WDR62: variants seen among roughly 807,000 people sequenced by gnomAD.
WDR62 encodes the protein WD repeat domain 62.
A neutral mutation model predicts 160.6 loss-of-function variants in WDR62; 112 were observed. That is an observed-to-expected ratio of 0.70 (90% CI 0.60 to 0.82). The LOEUF (loss-of-function observed/expected upper bound fraction) is 0.82, where lower values mean the gene tolerates loss of function less well. WDR62 is among the 40% of genes least tolerant of loss of function. WDR62 has a pLI of 0.00. For missense variants in WDR62, 1,819 were observed against 1,983.8 expected (o/e 0.92, Z 1.58); for synonymous variants, 792 against 815.1 (o/e 0.97, Z 0.48).
intron 7 of WDR62, among the ~76,000 whole-genome samples, chr19:36,070,019 G>C (rs62109754): frequency 1.6e-5 from 2 of 121,390 alleles, no homozygotes; most frequent in Admixed American, 7.8e-5. Context: ...CGTGGGGAGA[G>C]GGAGAGGGAG....
In WDR62 at chr19:36,103,973, C is replaced by G. The variant is rs377624207; in HGVS notation, c.4145C>G (p.Pro1382Arg). The change falls in exon 30 of 32, where the codon CCC becomes CGC. Residue 1382 changes from proline to arginine, a missense_variant. By Grantham distance (103) the Pro-to-Arg change is moderately radical (BLOSUM62 -2). This residue lies in a region of WDR62 where 770 missense variants were observed against 734.2 expected (regional missense o/e 1.05). Transcript: ENST00000401500. ...IPGGTASLLE[P>R]TSGALGLLQG... The stretch of plus-strand genomic sequence containing the variant: ...GGCGGCACTGCCTCCCTCCTGGAGC[C>G]CACCTCCGGTGAGTACAGCCCTGGA... The G allele has an allele frequency of 1.9e-6, 3 of 1,597,940 alleles. No individual in the cohort carries two copies. Among genetic ancestry groups the G allele is most frequent in the Non-Finnish European group, 2.5e-6 (3 of 1,179,840 alleles).
In WDR62 at chr19:36,092,822, C is replaced by T. The variant is rs1392916101; in HGVS notation, c.2333+11C>T. 3.1e-6 allele frequency: 5 copies of T among 1,613,666 alleles called. No individual in the cohort carries two copies. The African/African-American group carries it at 6.7e-5, about 22-fold the overall frequency. Reference sequence around the variant, plus strand: ...GAGTGGCCACCCCAGGTCCTGGCAGCCCCTGCCTGTCCACCAGAGGGATGA... The same window carrying T: ...GAGTGGCCACCCCAGGTCCTGGCAGTCCCTGCCTGTCCACCAGAGGGATGA... On this transcript the variant is annotated intron_variant, in intron 19 of 31. Coordinates refer to ENST00000401500, the MANE Select transcript of WDR62 (RefSeq NM_001083961.2).
intron 9 of WDR62, chr19:36,075,822 A>T (rs570951919): frequency 6.6e-6 from 1 of 152,182 alleles, no homozygotes; most frequent in Non-Finnish European, 1.5e-5. Context: ...TTCTAAATCT[A>T]TAATTTATTT....
intron 3 of WDR62, among the ~76,000 whole-genome samples, chr19:36,062,921 T>C (rs1970735272): frequency 1.3e-5 from 2 of 151,938 alleles, no homozygotes; most frequent in African/African-American, 4.8e-5. Context: ...ACGTGGCTCC[T>C]CTGTCTTTTC....
At chr19:36,103,283 G>A (rs375466987) in intron 29 of WDR62, 60 bp from the exon 30 acceptor site, 38 of 1,612,048 alleles carry the variant, frequency 2.4e-5, no homozygotes, top group African/African-American at 2.3e-4. Context: ...GCTGTGGGGC[G>A]TGGGGGCCCT....
chr19:36,079,277 CATT>C (rs1971758176), intron 9 of WDR62, among the ~76,000 whole-genome samples: 1 of 152,028 alleles, frequency 6.6e-6, no homozygotes, highest in East Asian at 1.9e-4. Context: ...GATGGGATCT[CATT>C]ATACTGCCCA....
At position 36,083,225 on chromosome 19, in the gene WDR62, C is replaced by T. The variant is rs201993064; in HGVS notation, c.1534C>T (p.Arg512Ter). 11 of 1,602,028 alleles carry T rather than the reference C, an allele frequency of 6.9e-6. No individual in the cohort carries two copies. Among genetic ancestry groups the T allele is most frequent in the East Asian group, 2.2e-5 (1 of 44,534 alleles). ...CGGCCAGCATTTGGCTTCAGGCGACCGAAGTGGAAATCTGAGGCAAGTGGG... is the reference window on the plus strand; with the variant it reads ...CGGCCAGCATTTGGCTTCAGGCGACTGAAGTGGAAATCTGAGGCAAGTGGG... ...PDGQHLASGD[R>*]SGNLRIHELH... Residue 512 changes from arginine to a stop codon, truncating the protein, a stop_gained, in exon 11 of 32, where the codon CGA becomes TGA. Transcript: ENST00000401500. LOFTEE classifies it high-confidence loss of function.
At chr19:36,099,146 TGA>T (rs1410651999) in intron 21 of WDR62, among the ~76,000 whole-genome samples, 2 of 142,474 alleles carry the variant, frequency 1.4e-5, no homozygotes, top group Non-Finnish European at 3.0e-5. Flanking sequence ...TGCTTGAAAC[TGA>T]GAGGTGGAGG....
At chr19:36,099,675 C>G (rs1386931833) in intron 22 of WDR62, 58 bp downstream of exon 22, 1 of 1,570,558 alleles carries the variant, frequency 6.4e-7, no homozygotes, top group East Asian at 2.2e-5. Flanking sequence ...GCCCCAGGGC[C>G]TGGCGCCTTA....
Position 36,103,139 on chromosome 19 carries a change from C to G in WDR62, c.3463-17C>G, listed in dbSNP as rs760431304. On this transcript the variant is annotated splice_polypyrimidine_tract_variant and intron_variant, in intron 28 of 31. Transcript: ENST00000401500. ...GAACCCTGAGGCCTTGTCCTCACCT[C>G]AGAGCTGTGCCTGCAGGTCCTCGCT... 1.2e-6 allele frequency: 2 copies of G among 1,614,086 alleles called. No homozygotes were observed. The highest frequency in any genetic ancestry group is 3.3e-5 in the Admixed American group (2 of 60,032).
chr19:36,103,094 C>T lies in WDR62; in HGVS notation c.3462+20C>T. ...ACCCACGTGAGTATTGGGCCCACCT[C>T]CGTCAGGGCACGGGGCTGGGAACCC... On this transcript the variant is annotated intron_variant, in intron 28 of 31. Coordinates refer to ENST00000401500, the MANE Select transcript of WDR62 (RefSeq NM_001083961.2). The T allele has an allele frequency of 6.2e-7, 1 of 1,614,036 alleles. No individual in the cohort carries two copies. The highest frequency in any genetic ancestry group is 8.5e-7 in the Non-Finnish European group (1 of 1,180,030).
intron 19 of WDR62, among the ~76,000 whole-genome samples, chr19:36,093,268 A>G (rs1415899986): frequency 3.5e-5 from 5 of 141,534 alleles, no homozygotes; most frequent in African/African-American, 5.0e-5. Flanking sequence ...GTGGGTAGAC[A>G]GGGGATCTGA....
At chr19:36,096,824 GTAT>G (rs1288516339) in intron 20 of WDR62, among the ~76,000 whole-genome samples, 200 bp from the exon 21 acceptor site, 5 of 152,186 alleles carry the variant, frequency 3.3e-5, no homozygotes, top group African/African-American at 4.8e-5. Context: ...TCCTTTGGTA[GTAT>G]TAAGCTTTTT....
At chr19:36,095,907 C>T (rs1548506) in intron 20 of WDR62, among the ~76,000 whole-genome samples, 1 of 152,032 alleles carries the variant, frequency 6.6e-6, no homozygotes. Flanking sequence ...ACAAAGCAGA[C>T]GCCTGCGAAA....
chr19:36,069,161 C>T (rs1296034282), intron 7 of WDR62, among the ~76,000 whole-genome samples: 4 of 140,962 alleles, frequency 2.8e-5, no homozygotes, highest in African/African-American at 8.8e-5. Context: ...GGCGGCTGGC[C>T]GGGCGGGGGC....
At chr19:36,089,430 C>A in intron 15 of WDR62, 124 bp downstream of exon 15, 1 of 1,524,330 alleles carries the variant, frequency 6.6e-7, no homozygotes, top group Non-Finnish European at 9.0e-7. Flanking sequence ...AGCAGGTGTT[C>A]CTTCTTGGTT....
intron 7 of WDR62, among the ~76,000 whole-genome samples, chr19:36,070,031 C>CCGTGGGGAGAGGGAGAGGGAGAG (rs1971209049): frequency 7.8e-6 from 1 of 128,724 alleles, no homozygotes; most frequent in Non-Finnish European, 1.7e-5. Flanking sequence ...GAGAGGGAGA[C>CCGTGGGGAGAGGGAGAGGGAGAG]CGTGGGGAGA....
In WDR62 at chr19:36,103,404, G is replaced by T; in HGVS notation, c.3576G>T (p.Arg1192Ser). ...VPASSVLPTD[R>S]NLPTPTSAPT... ...CTTCCTCCGTGCTGCCCACAGACAG[G>T]AATCTCCCAACGCCCACATCTGCAC... Residue 1192 changes from arginine (R) to serine (S), a missense_variant, in exon 30 of 32, where the codon AGG becomes AGT. Coordinates refer to ENST00000401500, the MANE Select transcript of WDR62 (RefSeq NM_001083961.2). 6.2e-7 allele frequency: 1 copy of T among 1,614,122 alleles called. No individual in the cohort carries two copies.
rs201805559 is a variant in WDR62, at chr19:36,101,235, G to A, written c.2889G>A (p.Val963=). 4 of 1,613,094 alleles carry A rather than the reference G, an allele frequency of 2.5e-6. No individual in the cohort carries two copies. The South Asian group carries it at 3.3e-5, about 13-fold the overall frequency. The change falls in exon 24 of 32, where the codon GTG becomes GTA. Residue 963 remains valine (V), a synonymous_variant. Coordinates refer to ENST00000401500, the MANE Select transcript of WDR62 (RefSeq NM_001083961.2). ...GTDSQYCRKE[V]EAGPGDQQGD... ...GCAGCCAGTATTGCAGGAAGGAGGT[G>A]GAGGCCGGGCCTGGAGACCAGCAGG...
Sources: gnomAD v4.1 joint callset for allele counts (sites outside exome capture counted in the v4.1 genomes callset) on GRCh38, gnomAD v4.1.1 for gene constraint, gnomAD v4.1.1 regional missense constraint, MANE v1.5 for transcripts, NCBI Gene and HGNC (gene_info 2026-07-23, HGNC 2026-07-21) for gene names.